WDPCP: variants seen among roughly 807,000 people sequenced by gnomAD.
WDPCP encodes WD repeat-containing and planar cell polarity effector protein fritz homolog.
WDPCP carries 71 observed loss-of-function variants against 93.1 expected under a neutral mutation model. The observed-to-expected ratio is 0.76, with a 90% CI of 0.63 to 0.93. WDPCP has a LOEUF of 0.93. Ranked by LOEUF, WDPCP falls within the 40% of genes least tolerant of loss-of-function variation. The pLI is 0.00. For synonymous variants in WDPCP, 315 were observed against 315.0 expected, an observed-to-expected ratio of 1.00 and a Z score of 0.00; for missense variants, 844 against 887.4, an observed-to-expected ratio of 0.95 and a Z score of 0.62.
chr2:63,779,086 G>T (rs747490955), intron 2 of WDPCP, among the ~76,000 whole-genome samples: 2 of 152,022 alleles, frequency 1.3e-5, no homozygotes, highest in Non-Finnish European at 2.9e-5. Flanking sequence ...CTCAATGAAG[G>T]TTTATAAAAT....
chr2:63,178,502 G>C (rs1345604625), intron 14 of WDPCP, among the ~76,000 whole-genome samples: 1 of 152,100 alleles, frequency 6.6e-6, no homozygotes, highest in Admixed American at 6.5e-5. Context: ...ATGACTGTTT[G>C]TAATATTCTC....
chr2:63,598,628 T>G (rs948462796), intron 3 of WDPCP, among the ~76,000 whole-genome samples: 71 of 152,230 alleles, frequency 4.7e-4, no homozygotes, highest in African/African-American at 1.5e-3. Flanking sequence ...CTGCATTTTT[T>G]GCTTTCTGTG....
chr2:63,722,363 G>A (rs1233432011), intron 2 of WDPCP, among the ~76,000 whole-genome samples: 5 of 148,398 alleles, frequency 3.4e-5, no homozygotes, highest in Non-Finnish European at 7.5e-5. Context: ...GAGATGTGGG[G>A]AGCGCCTCTG....
At chr2:63,769,784 A>G (rs1670198550) in intron 2 of WDPCP, among the ~76,000 whole-genome samples, 1 of 151,970 alleles carries the variant, frequency 6.6e-6, no homozygotes, top group Admixed American at 6.6e-5. Context: ...ATCATAATTC[A>G]CATTTCAAGG....
At chr2:63,430,172 T>C (rs767294921) in intron 9 of WDPCP, among the ~76,000 whole-genome samples, 13 of 152,140 alleles carry the variant, frequency 8.5e-5, no homozygotes, top group Non-Finnish European at 1.5e-4. Context: ...AAACACTGGG[T>C]ATACACGGAC....
chr2:63,619,986 C>T (rs768844120), intron 3 of WDPCP, among the ~76,000 whole-genome samples: 86 of 152,196 alleles, frequency 5.7e-4, no homozygotes, highest in Non-Finnish European at 1.1e-3. Context: ...TGGTGCATTC[C>T]GGCCCAGATA....
chr2:63,733,586 T>C (rs1161460116), intron 2 of WDPCP, among the ~76,000 whole-genome samples: 1 of 152,234 alleles, frequency 6.6e-6, no homozygotes, highest in Non-Finnish European at 1.5e-5. Flanking sequence ...AGCATTTAGC[T>C]GGTCCTGCTC....
chr2:63,280,324 C>T (rs1251809959), intron 13 of WDPCP, among the ~76,000 whole-genome samples: 4 of 152,136 alleles, frequency 2.6e-5, no homozygotes, highest in African/African-American at 7.2e-5. Flanking sequence ...GAAGCAAAAA[C>T]GGAAACCACT....
chr2:63,484,023 T>G (rs867292299), intron 6 of WDPCP, among the ~76,000 whole-genome samples: 1 of 152,002 alleles, frequency 6.6e-6, no homozygotes, highest in African/African-American at 2.4e-5. Context: ...TGATAACATG[T>G]GGCTATTGAA....
At chr2:63,786,259 G>A (rs901822659) in intron 2 of WDPCP, among the ~76,000 whole-genome samples, 2 of 152,108 alleles carry the variant, frequency 1.3e-5, no homozygotes, top group Non-Finnish European at 2.9e-5. Context: ...CAATCCTCCT[G>A]GCTCAGCCTC....
intron 2 of WDPCP, among the ~76,000 whole-genome samples, chr2:63,691,295 A>G (rs1668884092): frequency 6.6e-6 from 1 of 152,222 alleles, no homozygotes; most frequent in Non-Finnish European, 1.5e-5. Flanking sequence ...AAGGCACTAT[A>G]TAAGGACGCC....
intron 2 of WDPCP, among the ~76,000 whole-genome samples, chr2:63,662,639 C>CAG (rs3077036): frequency 0.62 from 90,719 of 146,976 alleles, 27,811 homozygotes; most frequent in East Asian, 0.84. Flanking sequence ...TCATCTCTTC[C>CAG]AGAGAGAGAG....
intron 14 of WDPCP, among the ~76,000 whole-genome samples, chr2:63,252,819 T>G (rs1322396610): frequency 6.6e-6 from 1 of 152,118 alleles, no homozygotes; most frequent in East Asian, 1.9e-4. Flanking sequence ...TCAATATCAT[T>G]AAAATGTCCA....
In WDPCP at chr2:63,640,129, C is replaced by T. The variant is rs538416064; in HGVS notation, n.488+10530G>A. Among the ~76,000 whole-genome samples, 3 of 152,282 alleles carry T rather than the reference C, an allele frequency of 2.0e-5. No homozygotes were observed. The East Asian group carries it at 5.8e-4, about 29-fold the overall frequency. Reference sequence around the variant, plus strand: ...GTTCACGCCATTCTCCTGCCTCAGCCTCCCGAGTAGCTGGGACTACAGGCG... The same window carrying T: ...GTTCACGCCATTCTCCTGCCTCAGCTTCCCGAGTAGCTGGGACTACAGGCG... On this transcript the variant is annotated intron_variant and non_coding_transcript_variant, in intron 3 of 4. Transcript: ENST00000467687.
intron 3 of WDPCP, chr2:63,595,338 A>G (rs1397435070): frequency 1.2e-6 from 1 of 847,186 alleles, no homozygotes; most frequent in South Asian, 1.4e-5. Context: ...GCATGTACAT[A>G]CCAAATAAAA....
intron 14 of WDPCP, among the ~76,000 whole-genome samples, chr2:63,253,523 A>G (rs1307517683): frequency 6.6e-6 from 1 of 152,184 alleles, no homozygotes; most frequent in African/African-American, 2.4e-5. Flanking sequence ...AGCAGAATCT[A>G]TGAAAAACTT....
At chr2:63,671,402 T>C (rs1710345703) in intron 2 of WDPCP, among the ~76,000 whole-genome samples, 1 of 152,170 alleles carries the variant, frequency 6.6e-6, no homozygotes, top group African/African-American at 2.4e-5. Context: ...GAAGTTTTCT[T>C]AAACTCCAGC....
chr2:63,561,403 G>A (rs1174235409), intron 1 of WDPCP, among the ~76,000 whole-genome samples: 8 of 151,784 alleles, frequency 5.3e-5, no homozygotes, highest in South Asian at 2.1e-4. Flanking sequence ...GCTTGAACCC[G>A]GGAGGCGGAG....
In WDPCP at chr2:63,351,738, G is replaced by A. The variant is rs145219868; in HGVS notation, c.1748+26648C>T. Among the ~76,000 whole-genome samples, 66 of 152,282 alleles carry A rather than the reference G, an allele frequency of 4.3e-4. 1 individual carries two copies. The East Asian group carries it at 0.013, about 29-fold the overall frequency. Reference sequence around the variant, plus strand: ...ATAGTGCGGTGATGAACACAGGAGTGCATGTGTCTTTTTGGTAGAATGATT... The same window carrying A: ...ATAGTGCGGTGATGAACACAGGAGTACATGTGTCTTTTTGGTAGAATGATT... On this transcript the variant is annotated intron_variant, in intron 12 of 17. Coordinates refer to ENST00000272321, the MANE Select transcript of WDPCP (RefSeq NM_015910.7).
Sources: gnomAD v4.1 joint callset for allele counts (sites outside exome capture counted in the v4.1 genomes callset) on GRCh38, gnomAD v4.1.1 for gene constraint, MANE v1.5 for transcripts, NCBI Gene and HGNC (gene_info 2026-07-23, HGNC 2026-07-21) for gene names.